Variants in SAMD4A observed in about 807,000 individuals in gnomAD.
The protein encoded by SAMD4A is protein Smaug homolog 1.
In SAMD4A, 33 loss-of-function variants were observed where a neutral mutation model predicts 81.3. The ratio of observed to expected loss-of-function variants is 0.41; its 90% confidence interval spans 0.31 to 0.54. The LOEUF (loss-of-function observed/expected upper bound fraction) is 0.54, where lower values mean the gene tolerates loss of function less well. SAMD4A is among the 20% of genes least tolerant of loss of function. The pLI, the probability that SAMD4A is intolerant of heterozygous loss-of-function variation, is 0.37. For synonymous variants in SAMD4A, 389 were observed against 382.1 expected, an observed-to-expected ratio of 1.02 and a Z score of -0.21; for missense variants, 854 against 951.1, an observed-to-expected ratio of 0.90 and a Z score of 1.34.
chr14:54,571,472 T>C (rs886837276), intron 2 of SAMD4A, among the ~76,000 whole-genome samples: 1 of 152,196 alleles, frequency 6.6e-6, no homozygotes, highest in Non-Finnish European at 1.5e-5. Context: ...TGACTTTACC[T>C]GAAGTTTCCA....
At chr14:54,713,677 A>T (rs1462410577) in intron 3 of SAMD4A, among the ~76,000 whole-genome samples, 1 of 152,198 alleles carries the variant, frequency 6.6e-6, no homozygotes, top group Non-Finnish European at 1.5e-5. Flanking sequence ...AGCCCAGCAA[A>T]ACCCATATGG....
At chr14:54,690,941 C>T (rs1465140396) in intron 2 of SAMD4A, among the ~76,000 whole-genome samples, 1 of 152,190 alleles carries the variant, frequency 6.6e-6, no homozygotes, top group Admixed American at 6.5e-5. Flanking sequence ...GGGCCCCTTG[C>T]TGCCTTCTGC....
chr14:54,581,741 A>T (rs1594690913), intron 2 of SAMD4A, among the ~76,000 whole-genome samples: 1 of 152,350 alleles, frequency 6.6e-6, no homozygotes, highest in East Asian at 1.9e-4. Context: ...TGGATTATTT[A>T]AAAATTTCTG....
intron 12 of SAMD4A, among the ~76,000 whole-genome samples, chr14:54,787,761 C>T (rs1293221597): frequency 6.6e-6 from 1 of 152,194 alleles, no homozygotes; most frequent in Admixed American, 6.5e-5. Context: ...GTTATAGGGG[C>T]CTCTTAACTG....
chr14:54,666,992 AG>A (rs1193957138), intron 2 of SAMD4A, among the ~76,000 whole-genome samples: 4 of 152,198 alleles, frequency 2.6e-5, no homozygotes, highest in African/African-American at 9.6e-5. Flanking sequence ...ATATTTTACT[AG>A]TCCACCAAGA....
At chr14:54,646,182 T>C (rs536803455) in intron 2 of SAMD4A, among the ~76,000 whole-genome samples, 2 of 152,314 alleles carry the variant, frequency 1.3e-5, no homozygotes, top group South Asian at 4.1e-4. Flanking sequence ...TGCTGAACAT[T>C]ATGTGATTCC....
At chr14:54,732,749 A>G (rs1312886145) in intron 3 of SAMD4A, among the ~76,000 whole-genome samples, 1 of 152,138 alleles carries the variant, frequency 6.6e-6, no homozygotes, top group Non-Finnish European at 1.5e-5. Context: ...TATGTATTTA[A>G]CCTAACAATG....
chr14:54,732,978 G>T lies in SAMD4A; in HGVS notation c.716-4046G>T, dbSNP rs565018721. Among the ~76,000 whole-genome samples, 39 of 152,228 alleles carry T rather than the reference G, an allele frequency of 2.6e-4. No homozygotes were observed. In the South Asian group the frequency reaches 7.2e-3, roughly 28 times the overall value. On this transcript the variant is annotated intron_variant, in intron 3 of 12. Transcript: ENST00000554335. ...AATGGGAAAGAAATCTGAATCCCAG[G>T]GTTTAAAGAAAATACTTAAATGAAC... is the stretch of plus-strand genomic sequence containing the variant.
At chr14:54,682,471 CTT>C (rs941824829) in intron 2 of SAMD4A, among the ~76,000 whole-genome samples, 1 of 152,222 alleles carries the variant, frequency 6.6e-6, no homozygotes, top group Non-Finnish European at 1.5e-5. Flanking sequence ...CAGTGCCCCT[CTT>C]TGCACACATC....
intron 2 of SAMD4A, among the ~76,000 whole-genome samples, chr14:54,659,411 C>T (rs911622): frequency 0.95 from 144,077 of 152,284 alleles, 68,172 homozygotes; most frequent in East Asian, 1. Context: ...TGCGTGCGCA[C>T]GCACACACAT....
intron 12 of SAMD4A, 105 bp from the exon 13 acceptor site, chr14:54,788,811 G>A: frequency 7.3e-7 from 1 of 1,373,262 alleles, no homozygotes; most frequent in Non-Finnish European, 1.0e-6. Flanking sequence ...GCCCTTCTCT[G>A]CCCTCAGAGG....
chr14:54,763,470 T>A (rs964635624), intron 7 of SAMD4A, among the ~76,000 whole-genome samples: 1 of 152,202 alleles, frequency 6.6e-6, no homozygotes, highest in Non-Finnish European at 1.5e-5. Flanking sequence ...TAAACCGTAA[T>A]GTATTTAACA....
At chr14:54,602,497 G>A (rs905050626) in intron 2 of SAMD4A, among the ~76,000 whole-genome samples, 7 of 151,908 alleles carry the variant, frequency 4.6e-5, no homozygotes, top group African/African-American at 1.7e-4. Context: ...AGGAGATGAA[G>A]CTTTATTGCA....
intron 2 of SAMD4A, among the ~76,000 whole-genome samples, chr14:54,676,104 A>G (rs1458577468): frequency 2.0e-5 from 3 of 152,212 alleles, no homozygotes; most frequent in Admixed American, 2.0e-4. Flanking sequence ...AAAGATGGAG[A>G]ACAACTGAGT....
chr14:54,782,477 A>T (rs185097289), intron 11 of SAMD4A, among the ~76,000 whole-genome samples: 215 of 152,240 alleles, frequency 1.4e-3, no homozygotes, highest in Non-Finnish European at 2.6e-3. Flanking sequence ...TTCCCCCTGG[A>T]ATTGTCTAAT....
At position 54,784,574 on chromosome 14, in the gene SAMD4A, C is replaced by T; in HGVS notation, c.2082C>T (p.Asn694=). ...QLPVTEPDIN[N]RLESLCLSMT... ...CCGTGACCGAACCTGACATCAACAA[C>T]AGGCTGGAGTCGTTGTGCCTCAGTA... is the stretch of plus-strand genomic sequence containing the variant. Residue 694 remains asparagine (N), a synonymous_variant, in exon 12 of 13, where the codon AAC becomes AAT. Coordinates refer to ENST00000554335, the MANE Select transcript of SAMD4A (RefSeq NM_015589.6). The T allele has an allele frequency of 1.2e-6, 2 of 1,614,222 alleles. No homozygotes were observed. The highest frequency in any genetic ancestry group is 2.2e-5 in the South Asian group (2 of 91,086).
intron 4 of SAMD4A, among the ~76,000 whole-genome samples, chr14:54,746,510 C>T (rs1210003141): frequency 2.0e-5 from 3 of 152,182 alleles, no homozygotes; most frequent in African/African-American, 7.2e-5. Flanking sequence ...CTAACCAGGG[C>T]AATTCTAACT....
chr14:54,623,862 C>T (rs1025470123), intron 2 of SAMD4A, among the ~76,000 whole-genome samples: 2 of 152,188 alleles, frequency 1.3e-5, no homozygotes, highest in African/African-American at 4.8e-5. Flanking sequence ...TCTCCTCTAA[C>T]TTAACCAGGA....
chr14:54,718,109 G>T (rs12897990), intron 3 of SAMD4A, among the ~76,000 whole-genome samples: 1 of 152,294 alleles, frequency 6.6e-6, no homozygotes, highest in Non-Finnish European at 1.5e-5. Context: ...GGGTGCTAGA[G>T]AAGCAGTTGC....
Sources: allele counts gnomAD v4.1 joint callset (sites outside exome capture counted in the v4.1 genomes callset), GRCh38; gene constraint gnomAD v4.1.1; transcripts MANE v1.5; gene names NCBI Gene and HGNC (gene_info 2026-07-23, HGNC 2026-07-21).